DENND4A: variants seen among roughly 807,000 people sequenced by gnomAD.
DENND4A encodes the protein DENN domain containing 4A, also known as C-myc promoter-binding protein.
A neutral mutation model predicts 199.3 loss-of-function variants in DENND4A; 70 were observed. The observed-to-expected ratio is 0.35, with a 90% CI of 0.29 to 0.43. The LOEUF is 0.43. Among genes scored for constraint, DENND4A ranks in the 20% least tolerant of loss-of-function variants. The probability of loss-of-function intolerance (pLI) is 1.00; values close to 1 mark genes in which losing one functional copy is unlikely to be tolerated. For missense variants in DENND4A, 1,723 were observed against 2,255.8 expected (o/e 0.76, Z 4.78); for synonymous variants, 686 against 766.9 (o/e 0.89, Z 1.74).
chr15:65,698,450 T>G (rs2077229744), intron 20 of DENND4A, among the ~76,000 whole-genome samples: 1 of 152,192 alleles, frequency 6.6e-6, no homozygotes, highest in Non-Finnish European at 1.5e-5. Flanking sequence ...ATCTTTTTGT[T>G]TGGATTTGAA....
chr15:65,739,881 G>T (rs1160499934), intron 5 of DENND4A, among the ~76,000 whole-genome samples: 2 of 152,100 alleles, frequency 1.3e-5, no homozygotes, highest in Admixed American at 1.3e-4. Context: ...AGTAAGTATA[G>T]AAATAGTGAT....
chr15:65,789,432 G>T (rs2077656037), intron 1 of DENND4A, among the ~76,000 whole-genome samples: 2 of 151,460 alleles, frequency 1.3e-5, no homozygotes, highest in Admixed American at 1.3e-4. Flanking sequence ...AATAAAGTGT[G>T]GTGTGCTTGA....
rs1401213796 is a variant in DENND4A, at chr15:65,697,194, T to C, written c.2950+73A>G. On this transcript the variant is annotated intron_variant, in intron 21 of 32. Coordinates refer to ENST00000443035, the MANE Select transcript of DENND4A (RefSeq NM_001320835.1). ...AAAATGGAAAGTAAAACCAGCACTT[T>C]TATAAAATCACCTGCATTTTCTATG... 16 of 985,346 alleles carry C rather than the reference T, an allele frequency of 1.6e-5. No homozygotes were observed. The East Asian group carries it at 3.8e-4, about 24-fold the overall frequency. The allele number at this position is 985,346 out of a possible 1,614,324, so 61.0% of individuals were successfully genotyped here.
chr15:65,724,919 G>A (rs1238311120), intron 11 of DENND4A, among the ~76,000 whole-genome samples: 1 of 152,216 alleles, frequency 6.6e-6, no homozygotes, highest in Non-Finnish European at 1.5e-5. Flanking sequence ...AGAAGAATAT[G>A]TGGTTTGCTA....
At chr15:65,687,623 T>C (rs2076835278) in intron 23 of DENND4A, among the ~76,000 whole-genome samples, 1 of 152,196 alleles carries the variant, frequency 6.6e-6, no homozygotes, top group Non-Finnish European at 1.5e-5. Context: ...GAAGAATATT[T>C]TCACTGGATA....
rs2077144589 is a variant in DENND4A at position 65,772,015 on chromosome 15, CCAAGGG to C, written c.-101-10583_-101-10578del. On this transcript the variant is annotated intron_variant, in intron 1 of 32. Coordinates refer to ENST00000443035, the MANE Select transcript of DENND4A (RefSeq NM_001320835.1). ...ATTTTTATATTTGTTTATGCGCAGG[CCAAGGG>C]CAGTGGGTAGAGCTTCTCGGCCTTC... The C allele has an allele frequency of 2.8e-6, 4 of 1,438,446 alleles. No individual in the cohort carries two copies. In the East Asian group the frequency reaches 9.5e-5, roughly 34 times the overall value. The allele number at this position is 1,438,446 out of a possible 1,614,324, so 89.1% of individuals were successfully genotyped here.
At chr15:65,770,726 T>C (rs2077104777) in intron 1 of DENND4A, among the ~76,000 whole-genome samples, 1 of 152,192 alleles carries the variant, frequency 6.6e-6, no homozygotes, top group Non-Finnish European at 1.5e-5. Flanking sequence ...AAAACGTAAA[T>C]GTGTCATATA....
rs2076960541 is a variant in DENND4A at position 65,691,270 on chromosome 15, T to G, written c.3324A>C (p.Ala1108=). 2 of 1,613,120 alleles carry G rather than the reference T, an allele frequency of 1.2e-6. No individual in the cohort carries two copies. The highest frequency in any genetic ancestry group is 1.7e-6 in the Non-Finnish European group (2 of 1,179,656). ...GDIVEKLGAD[A]KILSNVISKS... The stretch of plus-strand genomic sequence containing the variant: ...TTGAGATAACATTTGAAAGAATTTT[T>G]GCATCAGCTCCCAATTTTTCAACTA... Residue 1108 remains alanine, a synonymous_variant, in exon 23 of 33, where the codon GCA becomes GCC. Transcript: ENST00000443035.
intron 15 of DENND4A, among the ~76,000 whole-genome samples, chr15:65,705,001 T>C (rs1489325773): frequency 2.0e-5 from 3 of 151,744 alleles, no homozygotes; most frequent in Admixed American, 6.6e-5. Context: ...AAAAGACAAA[T>C]AAGCATAAAG....
intron 4 of DENND4A, among the ~76,000 whole-genome samples, chr15:65,747,912 C>T (rs989573435): frequency 6.6e-6 from 1 of 151,168 alleles, no homozygotes; most frequent in Non-Finnish European, 1.5e-5. Flanking sequence ...TGGTGGCGCG[C>T]GCCTGTAATC....
Position 65,690,751 on chromosome 15 carries a change from A to G in DENND4A, c.3843T>C (p.Asn1281=), listed in dbSNP as rs2076943070. Reference sequence around the variant, plus strand: ...CCTTGACCAATGGTGGACTTTTCTTATTTAATTTATCATCACATGCCCGTT... The same window carrying G: ...CCTTGACCAATGGTGGACTTTTCTTGTTTAATTTATCATCACATGCCCGTT... ...DLQRACDDKL[N]KKSPPLVKAC... The change falls in exon 23 of 33, where the codon AAT becomes AAC. Residue 1281 remains asparagine (N), a synonymous_variant. Transcript: ENST00000443035. The G allele has an allele frequency of 6.2e-7, 1 of 1,613,520 alleles. No homozygotes were observed. Among genetic ancestry groups the G allele is most frequent in the East Asian group, 2.2e-5 (1 of 44,876 alleles).
intron 12 of DENND4A, 136 bp from the exon 13 acceptor site, chr15:65,718,132 A>AGG: frequency 1.5e-6 from 1 of 652,554 alleles, no homozygotes; most frequent in Non-Finnish European, 2.5e-6. Flanking sequence ...TCATACGTAA[A>AGG]CCTTAGCAAA....
At position 65,778,641 on chromosome 15, in the gene DENND4A, G is replaced by A. The variant is rs559421916; in HGVS notation, c.-102+13369C>T. Among the ~76,000 whole-genome samples the A allele has an allele frequency of 1.3e-4, 20 of 152,270 alleles. No homozygotes were observed. In the South Asian group the frequency reaches 3.9e-3, roughly 30 times the overall value. On this transcript the variant is annotated intron_variant, in intron 1 of 32. Transcript: ENST00000443035. ...AGGCCAGATGCAGTGGCTCATGCCTGTAATCCCAGCACTTTGAGAGGATGA... is the reference window on the plus strand; with the variant it reads ...AGGCCAGATGCAGTGGCTCATGCCTATAATCCCAGCACTTTGAGAGGATGA...
intron 4 of DENND4A, among the ~76,000 whole-genome samples, chr15:65,746,717 G>A (rs1243759168): frequency 1.3e-5 from 2 of 151,556 alleles, no homozygotes; most frequent in Non-Finnish European, 2.9e-5. Flanking sequence ...TAAATCAAAT[G>A]CTGACATTCT....
At chr15:65,765,053 T>C (rs1252906417) in intron 1 of DENND4A, among the ~76,000 whole-genome samples, 1 of 152,122 alleles carries the variant, frequency 6.6e-6, no homozygotes, top group Non-Finnish European at 1.5e-5. Flanking sequence ...ATATTTCCAT[T>C]CTGATGAATG....
At chr15:65,720,338 T>C (rs1031617648) in intron 12 of DENND4A, among the ~76,000 whole-genome samples, 1 of 152,156 alleles carries the variant, frequency 6.6e-6, no homozygotes, top group Non-Finnish European at 1.5e-5. Context: ...TTCGAGAGTT[T>C]TTGGAGGAGT....
At chr15:65,703,045 T>C in intron 15 of DENND4A, 37 bp from the exon 16 acceptor site, 1 of 1,591,524 alleles carries the variant, frequency 6.3e-7, no homozygotes, top group Non-Finnish European at 8.6e-7. Flanking sequence ...AAAAAAGAGT[T>C]CTCAAGCACA....
At chr15:65,742,430 C>T (rs1195190653) in intron 4 of DENND4A, among the ~76,000 whole-genome samples, 4 of 151,496 alleles carry the variant, frequency 2.6e-5, no homozygotes, top group Non-Finnish European at 4.4e-5. Flanking sequence ...ATTACAGGCA[C>T]GTGCCACCAT....
intron 12 of DENND4A, among the ~76,000 whole-genome samples, chr15:65,720,218 G>T (rs2075568634): frequency 6.6e-6 from 1 of 152,028 alleles, no homozygotes; most frequent in Non-Finnish European, 1.5e-5. Flanking sequence ...GAATGTACTG[G>T]GTAGGAAATA....
Sources: gnomAD v4.1 joint callset for allele counts (sites outside exome capture counted in the v4.1 genomes callset) on GRCh38, gnomAD v4.1.1 for gene constraint, MANE v1.5 for transcripts, NCBI Gene and HGNC (gene_info 2026-07-23, HGNC 2026-07-21) for gene names.